The following BRF1 variants were observed in gnomAD, a reference collection of about 807,000 sequenced individuals.
The protein encoded by BRF1 is transcription factor IIIB 90 kDa subunit.
A neutral mutation model predicts 81.7 loss-of-function variants in BRF1; 59 were observed. The ratio of observed to expected loss-of-function variants is 0.72; its 90% CI spans 0.59 to 0.90. BRF1 has a LOEUF of 0.90. Among genes scored for constraint, BRF1 ranks in the 40% least tolerant of loss-of-function variants. BRF1 has a pLI of 0.00. For missense variants in BRF1, 1,050 were observed against 936.3 expected (o/e 1.12, Z -1.58); for synonymous variants, 491 against 395.6 (o/e 1.24, Z -2.86).
intron 10 of BRF1, among the ~76,000 whole-genome samples, chr14:105,224,696 C>T (rs1420513975): frequency 1.3e-5 from 2 of 152,142 alleles, no homozygotes; most frequent in South Asian, 4.1e-4. Flanking sequence ...TACAGGTGCA[C>T]ACTCCCATGC....
intron 3 of BRF1, among the ~76,000 whole-genome samples, chr14:105,263,889 C>T (rs1376890194): frequency 1.4e-5 from 2 of 147,568 alleles, no homozygotes; most frequent in Non-Finnish European, 3.0e-5. Flanking sequence ...GGTGCCACTG[C>T]ATTCCAGCCT....
Position 105,309,659 on chromosome 14 carries a change from T to TGCCTGCGCC in BRF1, c.-162+5654_-162+5662dup, listed in dbSNP as rs1357275129. On this transcript the variant is annotated intron_variant, in intron 1 of 17. Coordinates refer to the BRF1 transcript ENST00000327359. This position sits in a 1 kb window ranked among gnomAD's most constrained non-coding sequence, Gnocchi z 4.0. ...CAGGTGCTGTGTGAGGGAGCTGCGC[T>TGCCTGCGCC]GCCTGCGCCCAACCCAGGAGGGGAG... Among the ~76,000 whole-genome samples the TGCCTGCGCC allele has an allele frequency of 2.0e-5, 3 of 152,028 alleles. No individual in the cohort carries two copies. The highest frequency in any genetic ancestry group is 4.4e-5 in the Non-Finnish European group (3 of 67,992).
upstream of BRF1, chr14:105,301,239 G>A (rs1159793299): frequency 6.6e-6 from 1 of 152,252 alleles, no homozygotes; most frequent in Non-Finnish European, 1.5e-5. Context: ...GGCAGAGGAG[G>A]GTCCTCCTCG....
At chr14:105,311,703 C>T (rs1319417112) in intron 1 of BRF1, among the ~76,000 whole-genome samples, 3 of 152,210 alleles carry the variant, frequency 2.0e-5, no homozygotes, top group Admixed American at 6.5e-5. Flanking sequence ...CTAAGGGTGA[C>T]CGTGGGAACT....
At position 105,315,181 on chromosome 14, in the gene BRF1, G is replaced by A. The variant is rs1044513257; in HGVS notation, c.-162+141C>T. 5.9e-5 allele frequency: 20 copies of A among 339,086 alleles called. No individual in the cohort carries two copies. Among genetic ancestry groups the A allele is most frequent in the Non-Finnish European group, 8.2e-5 (19 of 232,378 alleles). The allele number at this position is 339,086 out of a possible 1,614,324, so 21.0% of individuals were successfully genotyped here. A position where few individuals can be genotyped will look rare whatever the true frequency, so the allele number is the denominator to read the frequency against. On this transcript the variant is annotated intron_variant, in intron 1 of 17. Coordinates refer to the BRF1 transcript ENST00000327359. This position sits in a 1 kb window ranked among gnomAD's most constrained non-coding sequence, Gnocchi z 4.4. ...GCGCCCCCGCCCGCCGGTTCGACGC[G>A]TGCAGCCGCCGCCCCCCCGCAGCTC...
At chr14:105,270,266 C>T (rs1381287254) in intron 3 of BRF1, among the ~76,000 whole-genome samples, 1 of 151,674 alleles carries the variant, frequency 6.6e-6, no homozygotes, top group Non-Finnish European at 1.5e-5. Flanking sequence ...CTCCGCCTCC[C>T]GGGTTCCCGC....
intron 10 of BRF1, among the ~76,000 whole-genome samples, chr14:105,225,289 C>G (rs773813478): frequency 3.9e-5 from 6 of 152,186 alleles, no homozygotes; most frequent in Non-Finnish European, 8.8e-5. Context: ...AAACAAGATT[C>G]TAAGCCCCAC....
At chr14:105,258,450 C>T (rs1428582132) in intron 3 of BRF1, among the ~76,000 whole-genome samples, 1 of 150,998 alleles carries the variant, frequency 6.6e-6, no homozygotes, top group African/African-American at 2.4e-5. Context: ...GATGGCGCCA[C>T]CGCACTCCAG....
Position 105,210,688 on chromosome 14 carries a change from G to A in BRF1, c.1997-100C>T. 1.4e-6 allele frequency: 2 copies of A among 1,380,804 alleles called. No individual in the cohort carries two copies. The highest frequency in any genetic ancestry group is 5.0e-5 in the East Asian group (2 of 40,388). The allele number at this position is 1,380,804 out of a possible 1,614,324, so 85.5% of individuals were successfully genotyped here. ...TCCTGGTGCCCCCCTAGAAGACTCA[G>A]GCTCCAGCCCCAGCCCCAGCCCCCC... On this transcript the variant is annotated intron_variant, in intron 17 of 17. Coordinates refer to ENST00000547530, the MANE Select transcript of BRF1 (RefSeq NM_001519.4). This position sits in a 1 kb window ranked among gnomAD's most constrained non-coding sequence, Gnocchi z 4.7.
chr14:105,227,112 T>C (rs1326202362), intron 7 of BRF1: 1 of 249,462 alleles, frequency 4.0e-6, no homozygotes, highest in Non-Finnish European at 7.6e-6. Context: ...TGAGATTTTG[T>C]CTCAAAAAAT....
intron 1 of BRF1, 100 bp downstream of exon 1, chr14:105,300,346 C>T: frequency 7.9e-7 from 1 of 1,272,138 alleles, no homozygotes; most frequent in Non-Finnish European, 1.0e-6. Flanking sequence ...CCCGACAGAG[C>T]GTGCGGTACC....
intron 10 of BRF1, among the ~76,000 whole-genome samples, chr14:105,224,246 G>A (rs929193620): frequency 1.3e-5 from 2 of 152,230 alleles, no homozygotes; most frequent in South Asian, 2.1e-4. Context: ...GCGCATGCCT[G>A]TAGTCCCAAC....
intron 6 of BRF1, 82 bp from the exon 7 acceptor site, chr14:105,228,995 A>G: frequency 7.8e-7 from 1 of 1,284,720 alleles, no homozygotes; most frequent in Non-Finnish European, 1.1e-6. Flanking sequence ...AACACTGCGG[A>G]TCCCGGTCAC....
At chr14:105,283,241 G>A (rs1054023203) in intron 2 of BRF1, among the ~76,000 whole-genome samples, 1 of 152,164 alleles carries the variant, frequency 6.6e-6, no homozygotes, top group Admixed American at 6.5e-5. Flanking sequence ...ACAGGGGCTG[G>A]ACCAATGGCC....
intron 8 of BRF1, 44 bp from the exon 9 acceptor site, chr14:105,226,334 G>A (rs371913718): frequency 1.2e-6 from 2 of 1,613,114 alleles, no homozygotes; most frequent in African/African-American, 1.3e-5. Context: ...GGAGGCCCTG[G>A]TGCACAGCGC....
At chr14:105,267,141 C>G (rs1219394218) in intron 3 of BRF1, among the ~76,000 whole-genome samples, 1 of 152,138 alleles carries the variant, frequency 6.6e-6, no homozygotes, top group Non-Finnish European at 1.5e-5. Context: ...ACAGTAAGAT[C>G]GACAATTGAA....
chr14:105,275,277 G>A (rs898538801), intron 2 of BRF1, among the ~76,000 whole-genome samples: 1 of 152,176 alleles, frequency 6.6e-6, no homozygotes, highest in African/African-American at 2.4e-5. Context: ...GGAGCCCCCA[G>A]CCCGGCTGTG....
intron 1 of BRF1, among the ~76,000 whole-genome samples, chr14:105,291,075 T>C (rs587692722): frequency 1.3e-5 from 2 of 152,260 alleles, no homozygotes; most frequent in South Asian, 2.1e-4. Flanking sequence ...ACAAAAAATA[T>C]GTGCTAGTTC....
At position 105,246,261 on chromosome 14, in the gene BRF1, C is replaced by G. The variant is rs1357801480; in HGVS notation, c.545-4847G>C. On this transcript the variant is annotated intron_variant, in intron 5 of 17. Coordinates refer to ENST00000547530, the MANE Select transcript of BRF1 (RefSeq NM_001519.4). ...GCCCTTGAACAGACGTTTCTCCAAA[C>G]ACGCCATGCAAATAGCCAACAAGCA... Among the ~76,000 whole-genome samples, 4 of 152,038 alleles carry G rather than the reference C, an allele frequency of 2.6e-5. No individual in the cohort carries two copies. In the East Asian group the frequency reaches 7.7e-4, roughly 29 times the overall value.
Sources: allele counts gnomAD v4.1 joint callset (sites outside exome capture counted in the v4.1 genomes callset), GRCh38; gene constraint gnomAD v4.1.1; non-coding constraint Gnocchi (gnomAD v3.1); transcripts MANE v1.5; gene names NCBI Gene and HGNC (gene_info 2026-07-23, HGNC 2026-07-21).